The following ZNF438 variants were observed in gnomAD, a reference collection of about 807,000 sequenced individuals.
ZNF438 encodes zinc finger protein 438.
In ZNF438, 25 loss-of-function variants were observed where a neutral mutation model predicts 38.0. The ratio of observed to expected loss-of-function variants is 0.66; its 90% CI spans 0.48 to 0.92. ZNF438 has a LOEUF of 0.92. Among genes scored for constraint, ZNF438 ranks in the 40% least tolerant of loss-of-function variants. The probability of loss-of-function intolerance (pLI) is 0.00; values close to 1 mark genes in which losing one functional copy is unlikely to be tolerated. For missense variants in ZNF438, 1,007 were observed against 999.6 expected, an observed-to-expected ratio of 1.01 and a Z score of -0.10; for synonymous variants, 372 against 364.1, an observed-to-expected ratio of 1.02 and a Z score of -0.25.
intron 1 of ZNF438, among the ~76,000 whole-genome samples, chr10:31,026,699 T>C (rs145445370): frequency 0.012 from 1,791 of 152,216 alleles, 55 homozygotes; most frequent in African/African-American, 0.04. Flanking sequence ...CTCAAGGATC[T>C]AGAACTAGAA....
rs545399207 is a variant in ZNF438, at chr10:30,934,039, G to A, written c.-115+7536C>T. ...CGGGTGCCTGTAGTCCCAGCTACTC[G>A]GGAGGCTGAGGCAAGAGAATGGTGT... On this transcript the variant is annotated intron_variant, in intron 2 of 5. Transcript: ENST00000413025. Among the ~76,000 whole-genome samples the A allele has an allele frequency of 4.6e-5, 7 of 152,042 alleles. No individual in the cohort carries two copies. The South Asian group carries it at 1.0e-3, about 23-fold the overall frequency.
chr10:30,922,092 T>C (rs1167413167), intron 2 of ZNF438, among the ~76,000 whole-genome samples: 1 of 152,188 alleles, frequency 6.6e-6, no homozygotes, highest in Admixed American at 6.5e-5. Context: ...ATAAATTGAG[T>C]GTATTGTAGA....
intron 2 of ZNF438, among the ~76,000 whole-genome samples, chr10:30,935,043 C>T (rs994206673): frequency 1.3e-5 from 2 of 152,146 alleles, no homozygotes; most frequent in African/African-American, 4.8e-5. Context: ...TTGTATTTTG[C>T]TTGAATTAAA....
intron 4 of ZNF438, among the ~76,000 whole-genome samples, chr10:30,864,884 G>A (rs2036172298): frequency 6.6e-6 from 1 of 152,166 alleles, no homozygotes; most frequent in South Asian, 2.1e-4. Context: ...TCAGAAGTTA[G>A]ACTGAATGCT....
chr10:31,003,585 A>G (rs1011533978), intron 1 of ZNF438, among the ~76,000 whole-genome samples: 1 of 152,220 alleles, frequency 6.6e-6, no homozygotes, highest in African/African-American at 2.4e-5. Flanking sequence ...TCATGAAGGT[A>G]CAAGTGCATT....
rs1430992141 is a variant in ZNF438, at chr10:30,915,718, A to G, written c.-114-6703T>C. Among the ~76,000 whole-genome samples, 3 of 152,210 alleles carry G rather than the reference A, an allele frequency of 2.0e-5. No individual in the cohort carries two copies. In the East Asian group the frequency reaches 5.8e-4, roughly 29 times the overall value. ...TCTAGATATTAGCCACAGCATCCTGAGAATTTTTATCACAGTGAAGTTGCA... is the reference window on the plus strand; with the variant it reads ...TCTAGATATTAGCCACAGCATCCTGGGAATTTTTATCACAGTGAAGTTGCA... On this transcript the variant is annotated intron_variant, in intron 2 of 5. Coordinates refer to ENST00000413025, the Ensembl canonical transcript of ZNF438.
chr10:30,960,030 CTAA>C lies in ZNF438; in HGVS notation c.-191-18382_-191-18380del, dbSNP rs534368157. 2.0e-3 allele frequency among the ~76,000 whole-genome samples: 294 copies of C among 147,122 alleles called. 6 individuals carry two copies. The highest frequency in any genetic ancestry group is 6.6e-3 in the African/African-American group (274 of 41,212). ...TTTTTAATGTGTATCTTCCTAATGACTAATGATGCTCACTGTGCTTACATGTGG... is the reference window on the plus strand; with the variant it reads ...TTTTTAATGTGTATCTTCCTAATGACTGATGCTCACTGTGCTTACATGTGG... On this transcript the variant is annotated intron_variant, in intron 1 of 5. Transcript: ENST00000413025.
chr10:30,978,993 T>C (rs1006750192), intron 1 of ZNF438, among the ~76,000 whole-genome samples: 15 of 152,252 alleles, frequency 9.9e-5, no homozygotes, highest in African/African-American at 3.1e-4. Flanking sequence ...TTAAGAATTA[T>C]GCTAGGGCCA....
intron 1 of ZNF438, among the ~76,000 whole-genome samples, chr10:30,949,445 C>A (rs1037411733): frequency 1.3e-5 from 2 of 152,188 alleles, no homozygotes; most frequent in African/African-American, 4.8e-5. Flanking sequence ...AATTAAAAGA[C>A]ACAGACTGGC....
intron 2 of ZNF438, among the ~76,000 whole-genome samples, chr10:30,935,423 A>G (rs2046138888): frequency 6.6e-6 from 1 of 152,172 alleles, no homozygotes; most frequent in Admixed American, 6.5e-5. Context: ...CTGCATGTGC[A>G]GAGATCACAT....
intron 3 of ZNF438, among the ~76,000 whole-genome samples, chr10:30,906,912 T>C: frequency 6.6e-6 from 1 of 152,270 alleles, no homozygotes. Flanking sequence ...ATATCCCATT[T>C]GGTCTTGGTT....
chr10:30,850,316 T>C (rs1299969977), exon 5 of ZNF438: 2 of 1,614,202 alleles, frequency 1.2e-6, no homozygotes, highest in Non-Finnish European at 1.7e-6. Context: ...CTGACTCTTA[T>C]TCTGCAAACC....
chr10:30,923,842 T>C (rs1398005202), intron 2 of ZNF438, among the ~76,000 whole-genome samples: 2 of 152,212 alleles, frequency 1.3e-5, no homozygotes, highest in Non-Finnish European at 2.9e-5. Flanking sequence ...AATTACAATG[T>C]CAAGTATCAT....
chr10:31,003,794 T>C (rs1350439568), intron 1 of ZNF438, among the ~76,000 whole-genome samples: 3 of 152,190 alleles, frequency 2.0e-5, no homozygotes, highest in Non-Finnish European at 2.9e-5. Context: ...GATCATGTCA[T>C]TTCTTGGCCC....
In ZNF438 at chr10:30,994,307, G is replaced by A. The variant is rs539660042; in HGVS notation, c.-192+37526C>T. ...TAAATGTGTTCTCCAAAGGTTCACCGTATTGGAAACTTGGTCCTGAATGCA... is the reference window on the plus strand; with the variant it reads ...TAAATGTGTTCTCCAAAGGTTCACCATATTGGAAACTTGGTCCTGAATGCA... On this transcript the variant is annotated intron_variant, in intron 1 of 5. Coordinates refer to ENST00000413025, the Ensembl canonical transcript of ZNF438. Among the ~76,000 whole-genome samples the A allele has an allele frequency of 4.7e-4, 72 of 152,332 alleles. 3 individuals are homozygous for A. In the South Asian group the frequency reaches 0.011, roughly 23 times the overall value.
intron 3 of ZNF438, among the ~76,000 whole-genome samples, chr10:30,899,927 G>A (rs2041792510): frequency 6.6e-6 from 1 of 152,150 alleles, no homozygotes; most frequent in Admixed American, 6.5e-5. Context: ...ACTTTCTTAT[G>A]CAACAATCTT....
At chr10:30,931,278 G>C (rs554490398) in intron 2 of ZNF438, among the ~76,000 whole-genome samples, 1 of 152,328 alleles carries the variant, frequency 6.6e-6, no homozygotes, top group East Asian at 1.9e-4. Flanking sequence ...CAGAGGAAAA[G>C]GAGTCCAAAT....
At chr10:30,983,545 C>T (rs1369663638) in intron 1 of ZNF438, among the ~76,000 whole-genome samples, 1 of 152,068 alleles carries the variant, frequency 6.6e-6, no homozygotes, top group Non-Finnish European at 1.5e-5. Flanking sequence ...CCCATCAGGC[C>T]CCTCCTCCAA....
intron 2 of ZNF438, among the ~76,000 whole-genome samples, chr10:30,914,714 G>A (rs2043420085): frequency 1.3e-5 from 2 of 151,888 alleles, no homozygotes; most frequent in African/African-American, 2.4e-5. Context: ...TTTTTAAAAG[G>A]AGGCTTCCTC....
Sources: gnomAD v4.1 joint callset for allele counts (sites outside exome capture counted in the v4.1 genomes callset) on GRCh38, gnomAD v4.1.1 for gene constraint, MANE v1.5 for transcripts, NCBI Gene and HGNC (gene_info 2026-07-23, HGNC 2026-07-21) for gene names.